The following EDN3 variants were observed in gnomAD, a reference collection of about 807,000 sequenced individuals.
The protein encoded by EDN3 is endothelin-3.
A neutral mutation model predicts 21.4 loss-of-function variants in EDN3; 9 were observed. That is an observed-to-expected ratio of 0.42 (90% CI 0.25 to 0.73). The LOEUF (loss-of-function observed/expected upper bound fraction) is 0.73. Among genes scored for constraint, EDN3 ranks in the 30% least tolerant of loss-of-function variants. The pLI is 0.26. For synonymous variants in EDN3, 133 were observed against 126.2 expected (o/e 1.05, Z -0.36); for missense variants, 327 against 309.4 (o/e 1.06, Z -0.43).
intron 2 of EDN3, among the ~76,000 whole-genome samples, chr20:59,316,965 C>T (rs3026588): frequency 0.016 from 2,367 of 152,278 alleles, 33 homozygotes; most frequent in Non-Finnish European, 0.024. Flanking sequence ...ATAACTGAGA[C>T]ATGAACAGAT....
chr20:59,324,541 C>T lies in EDN3; in HGVS notation c.*82C>T. 2 of 1,594,498 alleles carry T rather than the reference C, an allele frequency of 1.3e-6. No individual in the cohort carries two copies. The highest frequency in any genetic ancestry group is 1.7e-6 in the Non-Finnish European group (2 of 1,164,682). ...GTTCAGATTTCCACCTCTTTATAGA[C>T]AAGAAGTGAATTTGCCTGGGGCAGA... On this transcript the variant is annotated 3_prime_UTR_variant, in exon 5 of 5. Coordinates refer to ENST00000337938, the MANE Select transcript of EDN3 (RefSeq NM_207034.3).
At position 59,301,524 on chromosome 20, in the gene EDN3, A is replaced by AGACTGTGGCTGGCCCTGGCGAGGG. The variant is rs779143502; in HGVS notation, c.177_200dup (p.Gly60_Ala67dup). ...GAGACTGTGGCTGGCCCTGGCGAGG[A>AGACTGTGGCTGGCCCTGGCGAGGG]GACTGTGGCTGGCCCTGGCGAGGGG... On this transcript the variant is annotated inframe_insertion, in exon 2 of 5. Transcript: ENST00000337938. 6 of 1,612,882 alleles carry AGACTGTGGCTGGCCCTGGCGAGGG rather than the reference A, an allele frequency of 3.7e-6. No homozygotes were observed. The highest frequency in any genetic ancestry group is 2.5e-6 in the Non-Finnish European group (3 of 1,179,766).
intron 2 of EDN3, among the ~76,000 whole-genome samples, chr20:59,304,357 A>T (rs1296110377): frequency 3.3e-5 from 5 of 152,134 alleles, no homozygotes; most frequent in African/African-American, 4.8e-5. Context: ...CACCTGTCAC[A>T]TGTTCCCCTC....
Position 59,300,700 on chromosome 20 carries a change from C to G in EDN3, c.-113C>G. On this transcript the variant is annotated 5_prime_UTR_variant, in exon 1 of 5. Transcript: ENST00000337938. ...GGAGACGCAGCGAGCGATCGGCCGG[C>G]CTCGAACCCCCACAGCTGGAGGGCG... The G allele has an allele frequency of 9.0e-7, 1 of 1,105,870 alleles. No individual in the cohort carries two copies. Among genetic ancestry groups the G allele is most frequent in the East Asian group, 2.6e-5 (1 of 38,526 alleles). The allele number at this position is 1,105,870 out of a possible 1,614,324, so 68.5% of individuals were successfully genotyped here.
intron 2 of EDN3, among the ~76,000 whole-genome samples, chr20:59,318,018 A>G (rs943102270): frequency 1.3e-5 from 2 of 152,122 alleles, no homozygotes; most frequent in African/African-American, 2.4e-5. Context: ...CTCCCACCCC[A>G]CTGTAAGAGT....
chr20:59,324,229 C>CAGTG, intron 4 of EDN3, 102 bp from the exon 5 acceptor site: 1 of 1,430,344 alleles, frequency 7.0e-7, no homozygotes, highest in Non-Finnish European at 9.8e-7. Flanking sequence ...GCTGGAGAGG[C>CAGTG]AGTGGGAAGA....
At chr20:59,310,652 C>G (rs886788250) in intron 2 of EDN3, among the ~76,000 whole-genome samples, 6 of 152,102 alleles carry the variant, frequency 3.9e-5, no homozygotes, top group Non-Finnish European at 5.9e-5. Context: ...GGTGGGAGCT[C>G]TTAATAAACA....
intron 2 of EDN3, among the ~76,000 whole-genome samples, chr20:59,309,160 C>G (rs1989632175): frequency 6.6e-6 from 1 of 152,156 alleles, no homozygotes; most frequent in Non-Finnish European, 1.5e-5. Context: ...GCATGGCGCT[C>G]TTTGCGGGCA....
chr20:59,306,450 C>G (rs150064734), intron 2 of EDN3, among the ~76,000 whole-genome samples: 1 of 152,074 alleles, frequency 6.6e-6, no homozygotes, highest in Non-Finnish European at 1.5e-5. Flanking sequence ...GCTGCCAAGT[C>G]TCTCCTAATC....
chr20:59,321,610 G>GA (rs961421143), intron 3 of EDN3, among the ~76,000 whole-genome samples: 1 of 152,100 alleles, frequency 6.6e-6, no homozygotes, highest in Non-Finnish European at 1.5e-5. Context: ...TTATTGGGAG[G>GA]GGGGGGAACC....
At chr20:59,318,102 C>T (rs544437649) in intron 2 of EDN3, among the ~76,000 whole-genome samples, 5 of 152,330 alleles carry the variant, frequency 3.3e-5, no homozygotes, top group Non-Finnish European at 5.9e-5. Flanking sequence ...TCCCTACTCA[C>T]GCATCCCCAA....
chr20:59,323,530 A>G (rs1990671795), intron 4 of EDN3: 2 of 398,146 alleles, frequency 5.0e-6, no homozygotes, highest in Admixed American at 4.4e-5. Flanking sequence ...GAGCTTAACT[A>G]GTGGGGATGC....
chr20:59,302,753 C>T (rs192878334), intron 2 of EDN3, among the ~76,000 whole-genome samples: 2 of 152,120 alleles, frequency 1.3e-5, no homozygotes, highest in African/African-American at 2.4e-5. Context: ...TGAATGCAAG[C>T]CCCTGGAAGC....
rs938304659 is a variant in EDN3 at position 59,305,901 on chromosome 20, G to A, written c.365+4179G>A. Among the ~76,000 whole-genome samples, 1 of 152,200 alleles carries A rather than the reference G, an allele frequency of 6.6e-6. No homozygotes were observed. Among genetic ancestry groups the A allele is most frequent in the Non-Finnish European group, 1.5e-5 (1 of 68,032 alleles). ...CCTTCAGGGCAACATCTAGGCTGCT[G>A]TTTGACTAAACAACTGGGCACAGTA... is the stretch of plus-strand genomic sequence containing the variant. On this transcript the variant is annotated intron_variant, in intron 2 of 4. Coordinates refer to ENST00000337938, the MANE Select transcript of EDN3 (RefSeq NM_207034.3). The surrounding 1 kb of genome is among the most constrained non-coding windows in gnomAD (Gnocchi z 4.2).
intron 2 of EDN3, among the ~76,000 whole-genome samples, chr20:59,309,652 C>T (rs910896712): frequency 2.6e-5 from 4 of 152,128 alleles, no homozygotes; most frequent in Non-Finnish European, 4.4e-5. Context: ...TAGAAATTAG[C>T]ACACTTTTGG....
intron 1 of EDN3, 111 bp from the exon 2 acceptor site, chr20:59,301,299 A>G: frequency 7.6e-7 from 1 of 1,321,350 alleles, no homozygotes; most frequent in Non-Finnish European, 1.1e-6. Context: ...GAGCTTTGGA[A>G]ACTTTGCAGA....
intron 2 of EDN3, among the ~76,000 whole-genome samples, chr20:59,303,258 C>T (rs972799597): frequency 4.6e-5 from 7 of 152,178 alleles, no homozygotes; most frequent in African/African-American, 1.7e-4. Flanking sequence ...ATGGGAGGTG[C>T]CTCCCTGTTT....
intron 2 of EDN3, among the ~76,000 whole-genome samples, chr20:59,316,705 T>C (rs559292418): frequency 5.1e-4 from 78 of 152,320 alleles, no homozygotes; most frequent in Non-Finnish European, 1.0e-3. Flanking sequence ...ATTTAATATT[T>C]AATAACACTT....
chr20:59,321,879 G>T (rs1410519727), intron 3 of EDN3, among the ~76,000 whole-genome samples: 1 of 152,172 alleles, frequency 6.6e-6, no homozygotes, highest in Non-Finnish European at 1.5e-5. Flanking sequence ...CTTTGAGCTG[G>T]TATTCACATA....
Sources: gnomAD v4.1 joint callset for allele counts (sites outside exome capture counted in the v4.1 genomes callset) on GRCh38, gnomAD v4.1.1 for gene constraint, Gnocchi (gnomAD v3.1) non-coding constraint, MANE v1.5 for transcripts, NCBI Gene and HGNC (gene_info 2026-07-23, HGNC 2026-07-21) for gene names.